Variants in CCDC63 observed in about 807,000 individuals in gnomAD.
The protein encoded by CCDC63 is coiled-coil domain containing 63.
Under a neutral mutation model 63.6 loss-of-function variants are expected in CCDC63, and 54 were observed. The ratio of observed to expected loss-of-function variants is 0.85; its 90% CI spans 0.68 to 1.07. CCDC63 has a LOEUF of 1.07. Ranked by LOEUF, CCDC63 falls within the 50% of genes least tolerant of loss-of-function variation. The pLI, the probability that CCDC63 is intolerant of heterozygous loss-of-function variation, is 0.00. For synonymous variants in CCDC63, 253 were observed against 266.1 expected (o/e 0.95, Z 0.48); for missense variants, 637 against 689.6 (o/e 0.92, Z 0.86).
At chr12:110,880,681 GA>G (rs2071188656) in intron 6 of CCDC63, among the ~76,000 whole-genome samples, 1 of 148,092 alleles carries the variant, frequency 6.8e-6, no homozygotes, top group Non-Finnish European at 1.5e-5. Context: ...TGGTGGTGAC[GA>G]TAATGATGGT....
chr12:110,906,242 T>C (rs2071578299), intron 11 of CCDC63, among the ~76,000 whole-genome samples: 1 of 137,658 alleles, frequency 7.3e-6, no homozygotes. Flanking sequence ...TTCACAACCC[T>C]GATACGTAAT....
chr12:110,857,454 G>A (rs1279851855), intron 3 of CCDC63, among the ~76,000 whole-genome samples: 1 of 152,124 alleles, frequency 6.6e-6, no homozygotes, highest in Non-Finnish European at 1.5e-5. Context: ...TTCTATAGCA[G>A]TGTGTCCAAA....
chr12:110,875,754 C>T (rs1434807222), intron 5 of CCDC63, among the ~76,000 whole-genome samples: 4 of 152,052 alleles, frequency 2.6e-5, no homozygotes, highest in African/African-American at 9.7e-5. Context: ...AACTGGTCCC[C>T]TCTTCCCTTC....
chr12:110,895,173 G>A (rs1263736976), intron 9 of CCDC63, among the ~76,000 whole-genome samples: 4 of 152,106 alleles, frequency 2.6e-5, no homozygotes, highest in Non-Finnish European at 5.9e-5. Flanking sequence ...GAATGCAGTG[G>A]CACGATCTCG....
chr12:110,880,127 G>A, intron 6 of CCDC63, 40 bp downstream of exon 6: 1 of 1,575,020 alleles, frequency 6.3e-7, no homozygotes, highest in Non-Finnish European at 8.7e-7. Flanking sequence ...AGGTCTCTTA[G>A]CCCCTTGCTG....
At chr12:110,844,914 G>A (rs2070621824), upstream of CCDC63, among the ~76,000 whole-genome samples, 2 of 152,186 alleles carry the variant, frequency 1.3e-5, no homozygotes, top group South Asian at 2.1e-4. Context: ...TCTGGTCTGC[G>A]TCCAAATGCC....
In CCDC63 at chr12:110,894,087, C is replaced by A. The variant is rs148952149; in HGVS notation, c.1149+937C>A. ...CATCAGTGACCTGGGCTCCGTCTTT[C>A]TGTTTTGCCATCCTTAGTGGGTGAC... On this transcript the variant is annotated intron_variant, in intron 9 of 11. Transcript: ENST00000308208. 1.3e-3 allele frequency among the ~76,000 whole-genome samples: 202 copies of A among 152,016 alleles called. 1 individual carries two copies. Among genetic ancestry groups the A allele is most frequent in the African/African-American group, 4.7e-3 (194 of 41,452 alleles).
intron 8 of CCDC63, among the ~76,000 whole-genome samples, chr12:110,886,229 A>T (rs552097791): frequency 6.6e-6 from 1 of 152,266 alleles, no homozygotes; most frequent in Middle Eastern, 3.4e-3. Flanking sequence ...TTTACTAAAA[A>T]TACAAAAATG....
chr12:110,892,814 A>C (rs920002425), intron 8 of CCDC63, among the ~76,000 whole-genome samples: 30 of 126,692 alleles, frequency 2.4e-4, no homozygotes, highest in African/African-American at 1.0e-3. Flanking sequence ...GCGAGACTTC[A>C]TCTCAAAAAA....
intron 5 of CCDC63, among the ~76,000 whole-genome samples, chr12:110,876,980 A>G (rs988818670): frequency 1.3e-5 from 2 of 151,910 alleles, no homozygotes; most frequent in East Asian, 3.9e-4. Flanking sequence ...TGATTGCACC[A>G]TTTTATTCCA....
rs776823511 is a variant in CCDC63 at position 110,893,177 on chromosome 12, T to C, written c.1149+27T>C. On this transcript the variant is annotated intron_variant, in intron 9 of 11. Transcript: ENST00000308208. ...TGAGAACAGGATCGGGAGGGAGGGATGCGGGAGCTTCTGTTGTCTGTCTCT... is the reference window on the plus strand; with the variant it reads ...TGAGAACAGGATCGGGAGGGAGGGACGCGGGAGCTTCTGTTGTCTGTCTCT... 4 of 1,585,160 alleles carry C rather than the reference T, an allele frequency of 2.5e-6. No homozygotes were observed. The South Asian group carries it at 3.3e-5, about 13-fold the overall frequency.
chr12:110,899,115 G>T lies in CCDC63; in HGVS notation c.1332G>T (p.Pro444=), dbSNP rs749340298. Residue 444 remains proline, a synonymous_variant, in exon 10 of 12, where the codon CCG becomes CCT. Coordinates refer to ENST00000308208, the MANE Select transcript of CCDC63 (RefSeq NM_152591.3). ...ETGKVTDINL[P]QYFAIIEKKT... is the part of the protein sequence containing the mutation. ...GGAAAGTCACTGACATCAACCTTCC[G>T]CAGTATTTTGGTGAGTCAAGCTGGG... 1 of 1,610,786 alleles carries T rather than the reference G, an allele frequency of 6.2e-7. No individual in the cohort carries two copies. The highest frequency in any genetic ancestry group is 1.1e-5 in the South Asian group (1 of 90,340).
chr12:110,845,822 C>T (rs1375598292), upstream of CCDC63: 1 of 149,264 alleles, frequency 6.7e-6, no homozygotes, highest in Non-Finnish European at 1.5e-5. Context: ...TGAGTGTGAT[C>T]TTGGCTCACG....
intron 10 of CCDC63, among the ~76,000 whole-genome samples, chr12:110,904,270 GT>G (rs1396040761): frequency 6.6e-6 from 1 of 151,132 alleles, no homozygotes; most frequent in Non-Finnish European, 1.5e-5. Flanking sequence ...TGAACTGGGA[GT>G]TTGAGGTCGC....
chr12:110,898,726 T>A (rs1344056389), intron 9 of CCDC63, among the ~76,000 whole-genome samples: 4 of 152,176 alleles, frequency 2.6e-5, no homozygotes, highest in Non-Finnish European at 5.9e-5. Context: ...ACCCTCAATG[T>A]ACACTAGTAT....
chr12:110,867,007 C>G lies in CCDC63; in HGVS notation c.370-6835C>G, dbSNP rs1380620093. On this transcript the variant is annotated intron_variant, in intron 4 of 11. Transcript: ENST00000308208. Reference sequence around the variant, plus strand: ...TGGCCGGGCGGGGGGCTGACCCCCCCACCTCCCTCCCGGACGGGGCGGCTG... The same window carrying G: ...TGGCCGGGCGGGGGGCTGACCCCCCGACCTCCCTCCCGGACGGGGCGGCTG... 9.5e-5 allele frequency among the ~76,000 whole-genome samples: 12 copies of G among 126,856 alleles called. No homozygotes were observed. The East Asian group carries it at 2.5e-3, about 26-fold the overall frequency. The allele number at this position is 126,856 out of a possible 152,430, so 83.2% of individuals were successfully genotyped here. A position where few individuals can be genotyped will look rare whatever the true frequency, so the allele number is the denominator to read the frequency against.
At chr12:110,892,110 C>A (rs2071364452) in intron 8 of CCDC63, among the ~76,000 whole-genome samples, 1 of 152,110 alleles carries the variant, frequency 6.6e-6, no homozygotes, top group South Asian at 2.1e-4. Flanking sequence ...TGGGTTCTGG[C>A]ATTCTGCATT....
intron 4 of CCDC63, among the ~76,000 whole-genome samples, chr12:110,860,179 G>A (rs2070835024): frequency 6.6e-6 from 1 of 152,218 alleles, no homozygotes; most frequent in Admixed American, 6.5e-5. Context: ...TGGAGAGCCT[G>A]GGGCAAGCCA....
intron 10 of CCDC63, among the ~76,000 whole-genome samples, chr12:110,899,546 C>G (rs921379932): frequency 6.6e-6 from 1 of 152,088 alleles, no homozygotes; most frequent in Admixed American, 6.6e-5. Context: ...TCTCAAACTC[C>G]TTTGCTCAAG....
Sources: gnomAD v4.1 joint callset for allele counts (sites outside exome capture counted in the v4.1 genomes callset) on GRCh38, gnomAD v4.1.1 for gene constraint, MANE v1.5 for transcripts, NCBI Gene and HGNC (gene_info 2026-07-23, HGNC 2026-07-21) for gene names.